The following HNRNPM variants were observed in gnomAD, a reference collection of about 807,000 sequenced individuals.
HNRNPM encodes heterogeneous nuclear ribonucleoprotein M.
HNRNPM carries 11 observed loss-of-function variants against 73.1 expected under a neutral mutation model. The ratio of observed to expected loss-of-function variants is 0.15; its 90% CI spans 0.09 to 0.25. The LOEUF (loss-of-function observed/expected upper bound fraction) is 0.25, where lower values mean the gene tolerates loss of function less well. HNRNPM is among the 10% of genes least tolerant of loss of function. HNRNPM has a pLI of 1.00. For missense variants in HNRNPM, 789 were observed against 1,067.9 expected (o/e 0.74, Z 3.64); for synonymous variants, 407 against 355.2 (o/e 1.15, Z -1.64).
chr19:8,478,778 C>A (rs755532465), intron 12 of HNRNPM, among the ~76,000 whole-genome samples: 8 of 152,046 alleles, frequency 5.3e-5, no homozygotes, highest in Non-Finnish European at 1.0e-4. Context: ...ACTTTCTGGC[C>A]CCCTAGGCCT....
intron 13 of HNRNPM, among the ~76,000 whole-genome samples, chr19:8,483,870 A>G (rs551410386): frequency 2.2e-4 from 34 of 152,152 alleles, no homozygotes; most frequent in African/African-American, 8.2e-4. Context: ...GGCCTAAGCG[A>G]TTCTCCCACT....
rs1038201120 is a variant in HNRNPM at position 8,463,435 on chromosome 19, AT to A, written c.337-55del. 2.1e-5 allele frequency: 33 copies of A among 1,543,904 alleles called. No individual in the cohort carries two copies. The African/African-American group carries it at 4.2e-4, about 20-fold the overall frequency. The stretch of plus-strand genomic sequence containing the variant: ...TTTATAACTGTCATTGATATTTACT[AT>A]TTTTTTCTTTTCTTTTTCCCCTTCC... On this transcript the variant is annotated intron_variant, in intron 3 of 15. Coordinates refer to ENST00000325495, the MANE Select transcript of HNRNPM (RefSeq NM_005968.5).
chr19:8,468,638 A>T, intron 8 of HNRNPM, 136 bp from the exon 9 acceptor site: 2 of 663,950 alleles, frequency 3.0e-6, no homozygotes, highest in East Asian at 5.5e-5. Flanking sequence ...ATGCCTTTCT[A>T]CCCTTGCGTA....
rs142421424 is a variant in HNRNPM, at chr19:8,484,326, G to A, written c.1174+1115G>A. 4.9e-3 allele frequency among the ~76,000 whole-genome samples: 750 copies of A among 152,242 alleles called. 4 individuals carry two copies. Among genetic ancestry groups the A allele is most frequent in the African/African-American group, 0.017 (720 of 41,542 alleles). On this transcript the variant is annotated intron_variant, in intron 13 of 15. Transcript: ENST00000325495. ...CAAGTAGCTGGGACTACGGGCGCAC[G>A]CCACCATACCCAGCTAATTTTTGCA...
intron 15 of HNRNPM, 57 bp from the exon 16 acceptor site, chr19:8,488,634 A>G (rs1971489677): frequency 1.3e-6 from 2 of 1,542,306 alleles, no homozygotes; most frequent in Non-Finnish European, 1.8e-6. Flanking sequence ...GACTCTGTCC[A>G]CCAAAATCTA....
chr19:8,488,905 T>G lies in HNRNPM; in HGVS notation c.*51T>G, dbSNP rs769695141. 3 of 1,486,456 alleles carry G rather than the reference T, an allele frequency of 2.0e-6. No individual in the cohort carries two copies. In the Admixed American group the frequency reaches 6.0e-5, roughly 30 times the overall value. 92.1% of individuals were successfully genotyped at this position (1,486,456 alleles called of 1,614,324 possible). A position where few individuals can be genotyped will look rare whatever the true frequency, so the allele number is the denominator to read the frequency against. ...ACGAGACCTCTGAATTTGTATTTTT[T>G]CTTGTTAACCATTTTAATTTGTTGG... On this transcript the variant is annotated 3_prime_UTR_variant, in exon 16 of 16. Transcript: ENST00000325495.
At chr19:8,465,214 T>C (rs1568275255) in intron 5 of HNRNPM, 110 bp from the exon 6 acceptor site, 5 of 877,954 alleles carry the variant, frequency 5.7e-6, no homozygotes, top group Admixed American at 2.7e-5. Flanking sequence ...TGAGAGATGC[T>C]TTCCAAACAA....
chr19:8,482,559 GCTCA>G (rs1970994666), intron 12 of HNRNPM: 1 of 152,460 alleles, frequency 6.6e-6, no homozygotes, highest in East Asian at 1.9e-4. Context: ...AGCACACCCA[GCTCA>G]TTTCAGGCAA....
chr19:8,467,516 G>A lies in HNRNPM; in HGVS notation c.785-19G>A, dbSNP rs753479130. The A allele has an allele frequency of 2.6e-5, 42 of 1,599,878 alleles. No individual in the cohort carries two copies. Among genetic ancestry groups the A allele is most frequent in the Non-Finnish European group, 3.3e-5 (38 of 1,167,462 alleles). On this transcript the variant is annotated intron_variant, in intron 7 of 15. Transcript: ENST00000325495. ...CACATTTTTAGAATTGCAAGAAATAGCCTTAATTGTAATACCAGCTATGTT... is the reference window on the plus strand; with the variant it reads ...CACATTTTTAGAATTGCAAGAAATAACCTTAATTGTAATACCAGCTATGTT...
chr19:8,464,073 CCT>C (rs1282635259), intron 5 of HNRNPM, among the ~76,000 whole-genome samples: 2 of 151,666 alleles, frequency 1.3e-5, no homozygotes, highest in African/African-American at 4.9e-5. Flanking sequence ...GGTGAAACCC[CCT>C]CTCTACAAAA....
chr19:8,454,467 T>G (rs566679012), intron 1 of HNRNPM, among the ~76,000 whole-genome samples: 19 of 152,330 alleles, frequency 1.2e-4, no homozygotes, highest in African/African-American at 4.6e-4. Flanking sequence ...TTTTGTTTAT[T>G]CCATTCATCT....
rs563895417 is a variant in HNRNPM, at chr19:8,448,491, G to A, written c.113+3380G>A. 5.5e-5 allele frequency among the ~76,000 whole-genome samples: 7 copies of A among 126,828 alleles called. No homozygotes were observed. The Admixed American group carries it at 5.7e-4, about 10-fold the overall frequency. The allele number at this position is 126,828 out of a possible 152,430, so 83.2% of individuals were successfully genotyped here. A position where few individuals can be genotyped will look rare whatever the true frequency, so the allele number is the denominator to read the frequency against. On this transcript the variant is annotated intron_variant, in intron 1 of 15. Coordinates refer to ENST00000325495, the MANE Select transcript of HNRNPM (RefSeq NM_005968.5). ...CTGAGTAATTTTTTTTTTTTTTTGA[G>A]ATGGAGTCTCGCTCTGTTGCCCAGG...
chr19:8,449,028 C>T (rs1968427261), intron 1 of HNRNPM, among the ~76,000 whole-genome samples: 1 of 152,198 alleles, frequency 6.6e-6, no homozygotes, highest in Non-Finnish European at 1.5e-5. Context: ...GGTAACCACT[C>T]AGTAAACAGC....
chr19:8,466,415 T>G (rs1167574827), intron 7 of HNRNPM, 27 bp downstream of exon 7: 1 of 1,611,678 alleles, frequency 6.2e-7, no homozygotes, highest in East Asian at 2.2e-5. Context: ...ATTCAACTTA[T>G]GAACAGTTTG....
intron 7 of HNRNPM, among the ~76,000 whole-genome samples, chr19:8,466,758 G>A (rs1328412686): frequency 6.9e-6 from 1 of 145,336 alleles, no homozygotes; most frequent in East Asian, 2.3e-4. Flanking sequence ...CCCGGGAGGT[G>A]GAGGTTGCAG....
At chr19:8,445,389 G>C (rs1968072436) in intron 1 of HNRNPM, 1 of 329,018 alleles carries the variant, frequency 3.0e-6, no homozygotes, top group Non-Finnish European at 5.5e-6. Flanking sequence ...CAGCTGCTGC[G>C]CATGGGGGTT....
intron 1 of HNRNPM, among the ~76,000 whole-genome samples, chr19:8,453,389 C>T (rs1473296225): frequency 6.6e-6 from 1 of 152,178 alleles, no homozygotes. Context: ...GATACACCTG[C>T]CTGAGCCTCC....
intron 1 of HNRNPM, among the ~76,000 whole-genome samples, chr19:8,448,371 A>G (rs995178864): frequency 1.1e-4 from 16 of 151,980 alleles, no homozygotes; most frequent in East Asian, 5.8e-4. Context: ...ATAGTCAGGG[A>G]AAAAAAAGTT....
At chr19:8,453,886 A>G (rs1236735630) in intron 1 of HNRNPM, among the ~76,000 whole-genome samples, 5 of 152,312 alleles carry the variant, frequency 3.3e-5, no homozygotes, top group East Asian at 3.9e-4. Flanking sequence ...TAGTGTTAAC[A>G]GTGTGGTGGC....
Sources: allele counts gnomAD v4.1 joint callset (sites outside exome capture counted in the v4.1 genomes callset), GRCh38; gene constraint gnomAD v4.1.1; transcripts MANE v1.5; gene names NCBI Gene and HGNC (gene_info 2026-07-23, HGNC 2026-07-21).